Variants in GFRA1 observed in about 807,000 individuals in gnomAD.
GFRA1 encodes the protein GDNF family receptor alpha-1.
In GFRA1, 16 loss-of-function variants were observed where a neutral mutation model predicts 51.6. That is an observed-to-expected ratio of 0.31 (90% CI 0.21 to 0.47). The LOEUF (loss-of-function observed/expected upper bound fraction) is 0.47. Among genes scored for constraint, GFRA1 ranks in the 20% least tolerant of loss-of-function variants. GFRA1 has a pLI of 1.00. For missense variants in GFRA1, 530 were observed against 594.3 expected, an observed-to-expected ratio of 0.89 and a Z score of 1.13; for synonymous variants, 270 against 241.3, an observed-to-expected ratio of 1.12 and a Z score of -1.10.
At chr10:116,079,432 C>T (rs1235251579) in intron 9 of GFRA1, among the ~76,000 whole-genome samples, 2 of 151,988 alleles carry the variant, frequency 1.3e-5, no homozygotes, top group East Asian at 1.9e-4. Context: ...CTCCTTGCTA[C>T]AGAAGGAGGA....
At chr10:116,243,079 T>G (rs975784634) in intron 4 of GFRA1, among the ~76,000 whole-genome samples, 3 of 152,244 alleles carry the variant, frequency 2.0e-5, no homozygotes, top group African/African-American at 7.2e-5. Context: ...ATTTCTTATA[T>G]TGCATTTAAA....
intron 5 of GFRA1, among the ~76,000 whole-genome samples, chr10:116,190,656 A>G (rs1001648338): frequency 6.6e-6 from 1 of 152,174 alleles, no homozygotes; most frequent in Non-Finnish European, 1.5e-5. Flanking sequence ...CAGACTCGTG[A>G]TCTACCAATC....
At position 116,257,901 on chromosome 10, in the gene GFRA1, C is replaced by T. The variant is rs574500784; in HGVS notation, c.418+11602G>A. Among the ~76,000 whole-genome samples, 9 of 152,322 alleles carry T rather than the reference C, an allele frequency of 5.9e-5. No homozygotes were observed. In the East Asian group the frequency reaches 1.7e-3, roughly 29 times the overall value. ...TACCTGCTGCTCCAGCCACGGCAAA[C>T]CCTGGACACACTGTGCCTTTGCCCA... On this transcript the variant is annotated intron_variant, in intron 4 of 10. Coordinates refer to ENST00000355422, the MANE Select transcript of GFRA1 (RefSeq NM_005264.8).
chr10:116,190,848 G>T (rs1490241169), intron 5 of GFRA1, among the ~76,000 whole-genome samples: 1 of 152,310 alleles, frequency 6.6e-6, no homozygotes, highest in African/African-American at 2.4e-5. Flanking sequence ...TTAACTGAAT[G>T]CATTAAAGGC....
chr10:116,173,368 T>C (rs142184082), intron 5 of GFRA1, among the ~76,000 whole-genome samples: 1 of 152,232 alleles, frequency 6.6e-6, no homozygotes, highest in East Asian at 1.9e-4. Flanking sequence ...GGGTATGATG[T>C]GGCTTTCATT....
intron 3 of GFRA1, among the ~76,000 whole-genome samples, chr10:116,270,604 C>G (rs749215783): frequency 1.3e-5 from 2 of 152,200 alleles, no homozygotes; most frequent in African/African-American, 2.4e-5. Flanking sequence ...GCCCTCCCCC[C>G]AGCCCCCGTC....
At chr10:116,178,904 G>A (rs529883691) in intron 5 of GFRA1, among the ~76,000 whole-genome samples, 4 of 152,276 alleles carry the variant, frequency 2.6e-5, no homozygotes, top group African/African-American at 9.6e-5. Flanking sequence ...GGTCTGGTGT[G>A]CATCGAAGCA....
At chr10:116,146,717 T>C (rs1161952394) in intron 5 of GFRA1, among the ~76,000 whole-genome samples, 1 of 152,112 alleles carries the variant, frequency 6.6e-6, no homozygotes, top group African/African-American at 2.4e-5. Context: ...CAAAATCAAC[T>C]GCCCCTTAGC....
In GFRA1 at chr10:116,058,757, A is replaced by G. The variant is rs1018442956; in HGVS notation, c.*5641T>C. The G allele has an allele frequency of 6.6e-5, 10 of 152,292 alleles. No individual in the cohort carries two copies. In the East Asian group the frequency reaches 1.9e-3, roughly 29 times the overall value. 9.4% of individuals were successfully genotyped at this position (152,292 alleles called of 1,614,324 possible). ...GTTTATTCCGTCAGAGTACTCACTC[A>G]GTAAACGTGCTGACTTGGTAAGCAT... On this transcript the variant is annotated 3_prime_UTR_variant, in exon 11 of 11. Transcript: ENST00000355422.
chr10:116,157,828 G>A (rs1187324213), intron 5 of GFRA1, among the ~76,000 whole-genome samples: 1 of 152,192 alleles, frequency 6.6e-6, no homozygotes, highest in Non-Finnish European at 1.5e-5. Flanking sequence ...GAGGAATAAA[G>A]GAATGAACGA....
Position 116,064,457 on chromosome 10 carries a change from G to A in GFRA1, c.1339C>T (p.Leu447=). 2 of 1,613,266 alleles carry A rather than the reference G, an allele frequency of 1.2e-6. No individual in the cohort carries two copies. Among genetic ancestry groups the A allele is most frequent in the South Asian group, 1.1e-5 (1 of 91,024 alleles). ...AGAGCGGTTACCACCAGGACCAGCAGTGGGCTCAGACCACAGCTTGGAGGA... is the reference window on the plus strand; with the variant it reads ...AGAGCGGTTACCACCAGGACCAGCAATGGGCTCAGACCACAGCTTGGAGGA... ...AAPPSCGLSP[L]LVLVVTALST... The change falls in exon 11 of 11, where the codon CTG becomes TTG. Residue 447 remains leucine, a synonymous_variant. Coordinates refer to ENST00000355422, the MANE Select transcript of GFRA1 (RefSeq NM_005264.8).
At chr10:116,193,400 C>A (rs1405365009) in intron 5 of GFRA1, among the ~76,000 whole-genome samples, 1 of 152,032 alleles carries the variant, frequency 6.6e-6, no homozygotes, top group Admixed American at 6.5e-5. Context: ...GAAATAAAAC[C>A]AAACACACTT....
chr10:116,119,000 AGGCAGGTCATAGCTG>A (rs1322328921), intron 6 of GFRA1, among the ~76,000 whole-genome samples: 8 of 152,136 alleles, frequency 5.3e-5, no homozygotes, highest in African/African-American at 9.7e-5. Context: ...ATGAGAGAGA[AGGCAGGTCATAGCTG>A]GGCAGGTCAT....
chr10:116,136,298 T>C (rs1379278491), intron 5 of GFRA1, among the ~76,000 whole-genome samples: 1 of 152,234 alleles, frequency 6.6e-6, no homozygotes, highest in Admixed American at 6.5e-5. Context: ...TGCATGATAA[T>C]ATAAACCTAA....
At chr10:116,073,266 A>G (rs1240696375) in intron 9 of GFRA1, among the ~76,000 whole-genome samples, 3 of 152,220 alleles carry the variant, frequency 2.0e-5, no homozygotes, top group Admixed American at 6.5e-5. Context: ...GACTCTGTCT[A>G]CAGCATAGAG....
At chr10:116,267,998 A>G (rs1029047638) in intron 4 of GFRA1, among the ~76,000 whole-genome samples, 1 of 152,124 alleles carries the variant, frequency 6.6e-6, no homozygotes, top group African/African-American at 2.4e-5. Flanking sequence ...AGGAAAAGAC[A>G]GAATAATGTA....
chr10:116,187,769 T>A (rs10787635), intron 5 of GFRA1, among the ~76,000 whole-genome samples: 1 of 151,896 alleles, frequency 6.6e-6, no homozygotes, highest in Non-Finnish European at 1.5e-5. Flanking sequence ...ATGTAACTGT[T>A]GAAATCTCAA....
chr10:116,255,996 G>A (rs887535745), intron 4 of GFRA1, among the ~76,000 whole-genome samples: 2 of 152,172 alleles, frequency 1.3e-5, no homozygotes, highest in African/African-American at 2.4e-5. Flanking sequence ...GGAGGAGAAA[G>A]GGAGTGAGAA....
chr10:116,205,110 T>C (rs760166749), intron 5 of GFRA1, among the ~76,000 whole-genome samples: 1 of 152,206 alleles, frequency 6.6e-6, no homozygotes, highest in Non-Finnish European at 1.5e-5. Flanking sequence ...ATTATAATCT[T>C]ATGGGACCAC....
Sources: gnomAD v4.1 joint callset for allele counts (sites outside exome capture counted in the v4.1 genomes callset) on GRCh38, gnomAD v4.1.1 for gene constraint, MANE v1.5 for transcripts, NCBI Gene and HGNC (gene_info 2026-07-23, HGNC 2026-07-21) for gene names.